Variants in SPAM1 observed in about 807,000 individuals in gnomAD.
The protein encoded by SPAM1 is sperm adhesion molecule 1, also known as hyaluronidase PH-20.
SPAM1 carries 22 observed loss-of-function variants against 29.6 expected under a neutral mutation model. The observed-to-expected ratio is 0.74, with a 90% confidence interval of 0.53 to 1.06. The LOEUF (loss-of-function observed/expected upper bound fraction) is 1.06. SPAM1 is among the 50% of genes least tolerant of loss of function. SPAM1 has a pLI of 0.00. For synonymous variants in SPAM1, 194 were observed against 204.6 expected, an observed-to-expected ratio of 0.95 and a Z score of 0.44; for missense variants, 534 against 604.0, an observed-to-expected ratio of 0.88 and a Z score of 1.21.
chr7:123,964,186 C>A (rs945885367), downstream of SPAM1, among the ~76,000 whole-genome samples: 23 of 151,708 alleles, frequency 1.5e-4, no homozygotes, highest in African/African-American at 5.3e-4. Flanking sequence ...AATATTGGGA[C>A]CTCCATGAAG....
intron 1 of SPAM1, among the ~76,000 whole-genome samples, chr7:123,938,664 T>A (rs1808331133): frequency 6.6e-6 from 1 of 152,226 alleles, no homozygotes. Context: ...ATTTAGTAAC[T>A]ATGACTTTGG....
chr7:123,934,760 A>G (rs1401565680), intron 1 of SPAM1, among the ~76,000 whole-genome samples: 1 of 152,204 alleles, frequency 6.6e-6, no homozygotes, highest in African/African-American at 2.4e-5. Flanking sequence ...ACATGTTCTC[A>G]CTTATATGTG....
chr7:123,949,601 T>C (rs1808695893), intron 1 of SPAM1, among the ~76,000 whole-genome samples: 1 of 151,748 alleles, frequency 6.6e-6, no homozygotes, highest in South Asian at 2.1e-4. Context: ...TTGCTTTTTA[T>C]TTTTTTTCAT....
Position 123,934,306 on chromosome 7 carries a change from A to G in SPAM1, c.-319+8954A>G, listed in dbSNP as rs116974065. On this transcript the variant is annotated intron_variant, in intron 1 of 4. Coordinates refer to ENST00000682466, the MANE Select transcript of SPAM1 (RefSeq NM_153189.3). ...TCATAATTAGATATCATCTCACTCC[A>G]GTTAGAATGGCCATTATCAAAAAGA... Among the ~76,000 whole-genome samples the G allele has an allele frequency of 7.2e-5, 11 of 152,312 alleles. No homozygotes were observed. In the East Asian group the frequency reaches 2.1e-3, roughly 29 times the overall value.
chr7:123,959,784 G>A lies in SPAM1; in HGVS notation c.1345G>A (p.Val449Ile). The A allele has an allele frequency of 6.2e-7, 1 of 1,613,224 alleles. No individual in the cohort carries two copies. The highest frequency in any genetic ancestry group is 1.3e-5 in the African/African-American group (1 of 74,972). Residue 449 changes from valine to isoleucine, a missense_variant, in exon 5 of 5, where the codon GTA (valine) becomes ATA (isoleucine). Physicochemically the swap from Val to Ile is conservative, Grantham distance 29 (BLOSUM62 3). Transcript: ENST00000682466. Reference protein sequence around the residue: ...STLSCKEKADVKDTDAVDVCI... With the variant: ...STLSCKEKADIKDTDAVDVCI... Reference sequence around the variant, plus strand: ...CTTGAGTTGTAAGGAGAAAGCTGATGTAAAAGACACTGATGCTGTTGATGT... The same window carrying A: ...CTTGAGTTGTAAGGAGAAAGCTGATATAAAAGACACTGATGCTGTTGATGT...
chr7:123,925,924 G>A, intron 1 of SPAM1: 1 of 152,062 alleles, frequency 6.6e-6, no homozygotes, highest in Non-Finnish European at 1.5e-5. Flanking sequence ...GCCAATTAAG[G>A]CACCAGCTGT....
rs766146791 is a variant in SPAM1, at chr7:123,954,044, G to T, written c.474G>T (p.Trp158Cys). 1 of 1,613,570 alleles carries T rather than the reference G, an allele frequency of 6.2e-7. No individual in the cohort carries two copies. Among genetic ancestry groups the T allele is most frequent in the Non-Finnish European group, 8.5e-7 (1 of 1,179,744 alleles). Residue 158 changes from tryptophan to cysteine, a missense_variant, in exon 3 of 5, where the codon TGG becomes TGT. Transcript: ENST00000682466. ...EEWRPTWARN[W>C]KPKDVYKNRS... Reference sequence around the variant, plus strand: ...GGAGACCCACTTGGGCAAGAAACTGGAAACCTAAAGATGTTTACAAGAATA... The same window carrying T: ...GGAGACCCACTTGGGCAAGAAACTGTAAACCTAAAGATGTTTACAAGAATA...
At chr7:123,933,910 A>G (rs1268419726) in intron 1 of SPAM1, among the ~76,000 whole-genome samples, 2 of 152,172 alleles carry the variant, frequency 1.3e-5, no homozygotes, top group Non-Finnish European at 2.9e-5. Context: ...GTGGAGCTGC[A>G]AAATTCCTAT....
rs1325394801 is a variant in SPAM1, at chr7:123,955,045, G to A, written c.1003G>A (p.Gly335Arg). The stretch of plus-strand genomic sequence containing the variant: ...CGAAACTGTTGCTCTGGGTGCTTCT[G>A]GAATTGTAATATGGGGAACCCTCAG... The part of the protein sequence containing the change: ...FGETVALGAS[G>R]IVIWGTLSIM... Residue 335 changes from glycine (G) to arginine (R), a missense_variant, in exon 4 of 5, where the codon GGA becomes AGA. By Grantham distance (125) the Gly-to-Arg change is moderately radical. Coordinates refer to ENST00000682466, the MANE Select transcript of SPAM1 (RefSeq NM_153189.3). The A allele has an allele frequency of 6.2e-7, 1 of 1,611,654 alleles. No individual in the cohort carries two copies. Among genetic ancestry groups the A allele is most frequent in the East Asian group, 2.2e-5 (1 of 44,766 alleles).
At chr7:123,964,804 T>C (rs933650818), downstream of SPAM1, among the ~76,000 whole-genome samples, 6 of 152,064 alleles carry the variant, frequency 3.9e-5, no homozygotes, top group Admixed American at 3.3e-4. Flanking sequence ...AACTGTAATA[T>C]GTATTATACA....
intron 1 of SPAM1, among the ~76,000 whole-genome samples, chr7:123,931,454 T>A (rs536470849): frequency 6.6e-6 from 1 of 152,312 alleles, no homozygotes. Flanking sequence ...AAGGAATGCA[T>A]GCACAGAGAG....
At chr7:123,970,300 A>T in intron 6 of SPAM1, 2 of 1,533,456 alleles carry the variant, frequency 1.3e-6, no homozygotes. Context: ...CTTACAGGTG[A>T]CTATCTTCTC....
At chr7:123,940,395 A>G (rs1387776897) in intron 1 of SPAM1, among the ~76,000 whole-genome samples, 1 of 151,132 alleles carries the variant, frequency 6.6e-6, no homozygotes. Flanking sequence ...TGTTATTCAC[A>G]TTTTTTTCCC....
At chr7:123,965,888 T>G (rs1325928488) in intron 5 of SPAM1, among the ~76,000 whole-genome samples, 1 of 151,998 alleles carries the variant, frequency 6.6e-6, no homozygotes, top group Non-Finnish European at 1.5e-5. Context: ...TAAATTACTT[T>G]GGGCGATATG....
intron 1 of SPAM1, among the ~76,000 whole-genome samples, chr7:123,928,589 AT>A (rs1464191397): frequency 1.3e-5 from 2 of 152,172 alleles, no homozygotes; most frequent in East Asian, 3.9e-4. Flanking sequence ...GCTGAATAGA[AT>A]TAGAGATGAT....
chr7:123,959,194 A>C (rs770522997), intron 4 of SPAM1, among the ~76,000 whole-genome samples: 3 of 152,072 alleles, frequency 2.0e-5, no homozygotes, highest in Non-Finnish European at 4.4e-5. Flanking sequence ...CAGCTGTAGC[A>C]TTCTATCCCC....
At chr7:123,955,171 AG>A in intron 4 of SPAM1, 85 bp downstream of exon 4, 1 of 927,284 alleles carries the variant, frequency 1.1e-6, no homozygotes. Flanking sequence ...TAAGAAAATA[AG>A]TAGTACTATG....
chr7:123,933,508 C>T (rs1412627673), intron 1 of SPAM1, among the ~76,000 whole-genome samples: 1 of 152,038 alleles, frequency 6.6e-6, no homozygotes, highest in Non-Finnish European at 1.5e-5. Context: ...GGGGTTTAAC[C>T]TTCTAGGAGT....
intron 1 of SPAM1, among the ~76,000 whole-genome samples, chr7:123,935,715 T>A (rs369376498): frequency 2.0e-5 from 3 of 152,318 alleles, no homozygotes; most frequent in African/African-American, 7.2e-5. Flanking sequence ...TTTTGGGTAT[T>A]CAAGTGATTT....
Sources: gnomAD v4.1 joint callset for allele counts (sites outside exome capture counted in the v4.1 genomes callset) on GRCh38, gnomAD v4.1.1 for gene constraint, MANE v1.5 for transcripts, NCBI Gene and HGNC (gene_info 2026-07-23, HGNC 2026-07-21) for gene names.